Variants in EPC1 observed in about 807,000 individuals in gnomAD.
EPC1 encodes the protein enhancer of polycomb homolog 1.
Under a neutral mutation model 98.4 loss-of-function variants are expected in EPC1, and 12 were observed. The ratio of observed to expected loss-of-function variants is 0.12; its 90% CI spans 0.08 to 0.20. The LOEUF is 0.20. Ranked by LOEUF, EPC1 falls within the 10% of genes least tolerant of loss-of-function variation. EPC1 has a pLI of 1.00. For missense variants in EPC1, 729 were observed against 990.5 expected, an observed-to-expected ratio of 0.74 and a Z score of 3.54; for synonymous variants, 357 against 363.9, an observed-to-expected ratio of 0.98 and a Z score of 0.21.
chr10:32,287,388 T>G, intron 6 of EPC1, 114 bp from the exon 7 acceptor site: 1 of 1,018,484 alleles, frequency 9.8e-7, no homozygotes, highest in Middle Eastern at 2.1e-4. Flanking sequence ...TTCATATTCA[T>G]AAGAGACACA....
chr10:32,366,434 A>T (rs761672525), intron 1 of EPC1, among the ~76,000 whole-genome samples: 24 of 152,290 alleles, frequency 1.6e-4, no homozygotes, highest in African/African-American at 3.6e-4. Context: ...TGATTAAAAT[A>T]AAAAAATAGG....
upstream of EPC1, among the ~76,000 whole-genome samples, chr10:32,352,042 A>AT (rs35657158): frequency 0.15 from 14,253 of 93,434 alleles, 1,265 homozygotes; most frequent in African/African-American, 0.19. Context: ...AGCCATATTG[A>AT]TTTTTTTTTT....
chr10:32,318,137 G>A (rs963615767), intron 1 of EPC1, among the ~76,000 whole-genome samples: 1 of 152,178 alleles, frequency 6.6e-6, no homozygotes, highest in Non-Finnish European at 1.5e-5. Flanking sequence ...AATAAAATTA[G>A]AGTCTCTTTC....
chr10:32,344,772 G>C (rs1838642964), intron 1 of EPC1, among the ~76,000 whole-genome samples: 1 of 152,202 alleles, frequency 6.6e-6, no homozygotes, highest in Admixed American at 6.5e-5. Flanking sequence ...GGGCAACAGA[G>C]TGAGACTCCA....
At chr10:32,376,672 T>G (rs1353938114) in intron 1 of EPC1, among the ~76,000 whole-genome samples, 1 of 152,100 alleles carries the variant, frequency 6.6e-6, no homozygotes, top group African/African-American at 2.4e-5. Context: ...AATACTATTT[T>G]TAGCCATTTT....
chr10:32,343,911 T>C (rs1363312482), intron 1 of EPC1, among the ~76,000 whole-genome samples: 2 of 152,226 alleles, frequency 1.3e-5, no homozygotes, highest in Non-Finnish European at 2.9e-5. Context: ...CTGCAGATTA[T>C]TTTGATCAAT....
intron 6 of EPC1, among the ~76,000 whole-genome samples, 154 bp from the exon 7 acceptor site, chr10:32,287,428 A>G (rs1010543751): frequency 2.6e-5 from 4 of 152,182 alleles, no homozygotes; most frequent in Non-Finnish European, 5.9e-5. Flanking sequence ...CTTATAGTGT[A>G]AAGTCTAGAG....
chr10:32,302,680 G>A lies in EPC1; in HGVS notation c.313+3092C>T, dbSNP rs930551218. 1.9e-4 allele frequency among the ~76,000 whole-genome samples: 29 copies of A among 149,658 alleles called. No homozygotes were observed. In the East Asian group the frequency reaches 4.9e-3, roughly 25 times the overall value. On this transcript the variant is annotated intron_variant, in intron 2 of 13. Coordinates refer to ENST00000319778, the MANE Select transcript of EPC1 (RefSeq NM_001272004.3). ...AAAAAAAAAAGGAGGGTGGGGGAGC[G>A]GCGCAAAAGACATGCACGATCATTT...
chr10:32,353,123 C>T (rs1422156005), intron 1 of EPC1, among the ~76,000 whole-genome samples: 1 of 149,822 alleles, frequency 6.7e-6, no homozygotes, highest in African/African-American at 2.5e-5. Context: ...CCATTGCACT[C>T]CAACCTGGGC....
At chr10:32,290,137 T>G (rs1011776852) in intron 6 of EPC1, among the ~76,000 whole-genome samples, 4 of 151,988 alleles carry the variant, frequency 2.6e-5, no homozygotes, top group Non-Finnish European at 5.9e-5. Flanking sequence ...ATATTACTAT[T>G]AAGATATCAA....
rs374315418 is a variant in EPC1 at position 32,346,957 on chromosome 10, C to G, written c.-42G>C. 1.1e-5 allele frequency: 17 copies of G among 1,605,142 alleles called. No homozygotes were observed. In the African/African-American group the frequency reaches 1.7e-4, roughly 16 times the overall value. ...ACCTCTCCGCTCTGGGGAAACGGCCCCGGCCAGCGGGATCATGGAGAACCG... is the reference window on the plus strand; with the variant it reads ...ACCTCTCCGCTCTGGGGAAACGGCCGCGGCCAGCGGGATCATGGAGAACCG... On this transcript the variant is annotated 5_prime_UTR_variant, in exon 1 of 14. Coordinates refer to ENST00000319778, the MANE Select transcript of EPC1 (RefSeq NM_001272004.3).
At chr10:32,307,497 T>C (rs1835943816) in intron 1 of EPC1, among the ~76,000 whole-genome samples, 1 of 152,260 alleles carries the variant, frequency 6.6e-6, no homozygotes, top group South Asian at 2.1e-4. Flanking sequence ...CTTTCAAATG[T>C]TGCTCTTCTT....
intron 1 of EPC1, among the ~76,000 whole-genome samples, chr10:32,365,372 C>T (rs1346705766): frequency 6.6e-6 from 1 of 152,092 alleles, no homozygotes; most frequent in Non-Finnish European, 1.5e-5. Context: ...CTGATAGTTT[C>T]ACTAGAAAGT....
chr10:32,343,557 C>T (rs951515275), intron 1 of EPC1, among the ~76,000 whole-genome samples: 9 of 152,178 alleles, frequency 5.9e-5, no homozygotes, highest in Middle Eastern at 3.2e-3. Flanking sequence ...TTACATTCTG[C>T]GAATTCACAT....
intron 1 of EPC1, among the ~76,000 whole-genome samples, chr10:32,317,922 C>A (rs1360929175): frequency 6.6e-6 from 1 of 152,174 alleles, no homozygotes; most frequent in African/African-American, 2.4e-5. Flanking sequence ...CAATTTACTA[C>A]TTTCCTTATA....
chr10:32,346,735 T>C (rs1164120023), intron 1 of EPC1, 28 bp downstream of exon 1: 1 of 1,602,400 alleles, frequency 6.2e-7, no homozygotes. Context: ...GGCCTGACGG[T>C]GGGTCGGACA....
At chr10:32,293,815 A>C (rs1834986342) in intron 2 of EPC1, 78 bp from the exon 3 acceptor site, 8 of 1,325,928 alleles carry the variant, frequency 6.0e-6, no homozygotes, top group Non-Finnish European at 8.2e-6. Flanking sequence ...GCATAAAAAC[A>C]AGACCTAGAC....
At chr10:32,324,309 A>T in intron 1 of EPC1, among the ~76,000 whole-genome samples, 1 of 151,504 alleles carries the variant, frequency 6.6e-6, no homozygotes, top group Non-Finnish European at 1.5e-5. Context: ...TAATCCCAGC[A>T]CTTTGGGAGG....
At position 32,286,783 on chromosome 10, in the gene EPC1, C is replaced by A; in HGVS notation, c.1302G>T (p.Gly434=). 1.9e-6 allele frequency: 3 copies of A among 1,614,044 alleles called. No homozygotes were observed. Among genetic ancestry groups the A allele is most frequent in the Non-Finnish European group, 2.5e-6 (3 of 1,180,012 alleles). The part of the protein sequence containing the change: ...PWTSPKDGGL[G]DVRYRYCLTT... ...TTAAGCAGTATCTATATCGCACATCCCCTAATCCTCCATCTTTAGGACTAG... is the reference window on the plus strand; with the variant it reads ...TTAAGCAGTATCTATATCGCACATCACCTAATCCTCCATCTTTAGGACTAG... The change falls in exon 9 of 14, where the codon GGG becomes GGT. Residue 434 remains glycine, a synonymous_variant. Transcript: ENST00000319778.
Sources: allele counts gnomAD v4.1 joint callset (sites outside exome capture counted in the v4.1 genomes callset), GRCh38; gene constraint gnomAD v4.1.1; transcripts MANE v1.5; gene names NCBI Gene and HGNC (gene_info 2026-07-23, HGNC 2026-07-21).